The following ARHGAP28 variants were observed in gnomAD, a reference collection of about 807,000 sequenced individuals.
ARHGAP28 encodes rho GTPase-activating protein 28.
In ARHGAP28, 56 loss-of-function variants were observed where a neutral mutation model predicts 90.7. The ratio of observed to expected loss-of-function variants is 0.62; its 90% CI spans 0.50 to 0.77. ARHGAP28 has a LOEUF of 0.77. ARHGAP28 is among the 30% of genes least tolerant of loss of function. The probability of loss-of-function intolerance (pLI) is 0.00; values close to 1 mark genes in which losing one functional copy is unlikely to be tolerated. For missense variants in ARHGAP28, 869 were observed against 900.9 expected (o/e 0.96, Z 0.45); for synonymous variants, 308 against 323.3 (o/e 0.95, Z 0.51).
chr18:6,865,814 G>T (rs546808786), intron 5 of ARHGAP28, among the ~76,000 whole-genome samples: 3 of 152,104 alleles, frequency 2.0e-5, no homozygotes, highest in Non-Finnish European at 4.4e-5. Flanking sequence ...TGTAACTAGG[G>T]CAGCAGAGCA....
intron 1 of ARHGAP28, among the ~76,000 whole-genome samples, chr18:6,797,754 C>T (rs970218822): frequency 7.9e-5 from 12 of 152,168 alleles, no homozygotes; most frequent in Admixed American, 2.0e-4. Flanking sequence ...CTCCGCCTCC[C>T]GGGTTCAAGT....
At chr18:6,773,191 C>G (rs558715873) in intron 1 of ARHGAP28, among the ~76,000 whole-genome samples, 50 of 152,190 alleles carry the variant, frequency 3.3e-4, no homozygotes, top group African/African-American at 1.1e-3. Flanking sequence ...TAATGTATGC[C>G]AGGAACAGTT....
intron 7 of ARHGAP28, 114 bp downstream of exon 7, chr18:6,870,846 G>T: frequency 8.5e-7 from 1 of 1,179,722 alleles, no homozygotes; most frequent in African/African-American, 1.6e-5. Flanking sequence ...ATTGCCCCAG[G>T]CTGGAGTGCA....
chr18:6,846,074 C>T (rs532429350), intron 3 of ARHGAP28, among the ~76,000 whole-genome samples: 1 of 152,266 alleles, frequency 6.6e-6, no homozygotes, highest in Admixed American at 6.5e-5. Context: ...AATGGTGCAT[C>T]GTGAATAGGA....
chr18:6,735,155 T>C lies in ARHGAP28; in HGVS notation c.122+5212T>C, dbSNP rs958294535. On this transcript the variant is annotated intron_variant, in intron 1 of 17. Coordinates refer to ENST00000383472, the MANE Select transcript of ARHGAP28 (RefSeq NM_001366230.1). ...ACTAAAAAGTCATAACTTTTAACTT[T>C]CTATTTTGATGTAATTTTGGGCTTA... Among the ~76,000 whole-genome samples, 8 of 152,204 alleles carry C rather than the reference T, an allele frequency of 5.3e-5. No homozygotes were observed. In the South Asian group the frequency reaches 8.3e-4, roughly 16 times the overall value.
chr18:6,748,515 A>G (rs2056043248), intron 1 of ARHGAP28, among the ~76,000 whole-genome samples: 1 of 152,176 alleles, frequency 6.6e-6, no homozygotes. Flanking sequence ...CATTGCCATG[A>G]TGGGCAACTT....
Position 6,914,034 on chromosome 18 carries a change from A to G in ARHGAP28, c.*1880A>G, listed in dbSNP as rs1431388. The G allele has an allele frequency of 0.81, 123,104 of 152,084 alleles. 50,124 individuals are homozygous for G. The highest frequency in any genetic ancestry group is 0.86 in the Non-Finnish European group (58,404 of 67,990). 9.4% of individuals were successfully genotyped at this position (152,084 alleles called of 1,614,324 possible). A position where few individuals can be genotyped will look rare whatever the true frequency, so the allele number is the denominator to read the frequency against. On this transcript the variant is annotated 3_prime_UTR_variant, in exon 18 of 18. Coordinates refer to ENST00000383472, the MANE Select transcript of ARHGAP28 (RefSeq NM_001366230.1). ...ATTTCTGCGTATATATGAAAACTGA[A>G]TGATATTTCTCAGTGTATTTCCTTG...
chr18:6,831,267 A>C (rs951461364), intron 2 of ARHGAP28, among the ~76,000 whole-genome samples: 1 of 152,024 alleles, frequency 6.6e-6, no homozygotes, highest in Non-Finnish European at 1.5e-5. Context: ...AAAACTTTTT[A>C]TTACTGACTT....
intron 1 of ARHGAP28, among the ~76,000 whole-genome samples, chr18:6,794,866 A>G (rs574645673): frequency 9.2e-5 from 14 of 152,130 alleles, no homozygotes; most frequent in African/African-American, 3.1e-4. Context: ...AATTTTTTAT[A>G]GAGACAGGGT....
intron 1 of ARHGAP28, among the ~76,000 whole-genome samples, chr18:6,787,614 C>T (rs2056375979): frequency 6.6e-6 from 1 of 152,198 alleles, no homozygotes; most frequent in African/African-American, 2.4e-5. Flanking sequence ...CAGACATTAA[C>T]ACTTTACAAA....
intron 11 of ARHGAP28, among the ~76,000 whole-genome samples, chr18:6,885,888 CT>C (rs1445212085): frequency 1.3e-5 from 2 of 151,658 alleles, no homozygotes; most frequent in Non-Finnish European, 2.9e-5. Flanking sequence ...TTGTCTGCCC[CT>C]AAATGCTTTG....
At chr18:6,756,261 C>A (rs370285131) in intron 1 of ARHGAP28, among the ~76,000 whole-genome samples, 3 of 152,178 alleles carry the variant, frequency 2.0e-5, no homozygotes, top group African/African-American at 7.2e-5. Context: ...TTTTTTTGCA[C>A]AGTCCTTTGA....
rs35606759 is a variant in ARHGAP28 at position 6,903,826 on chromosome 18, C to CAAA, written c.2031-5117_2031-5115dup. Among the ~76,000 whole-genome samples the CAAA allele has an allele frequency of 6.7e-3, 559 of 83,912 alleles. 15 individuals carry two copies. The highest frequency in any genetic ancestry group is 0.024 in the African/African-American group (473 of 19,872). 55.0% of individuals were successfully genotyped at this position (83,912 alleles called of 152,430 possible). On this transcript the variant is annotated intron_variant, in intron 16 of 17. Coordinates refer to ENST00000383472, the MANE Select transcript of ARHGAP28 (RefSeq NM_001366230.1). ...TCTGGGTGACAGCAAGACTCCATCT[C>CAAA]AAAAAAAAAAAAAAAAAAAGAATCC...
intron 16 of ARHGAP28, among the ~76,000 whole-genome samples, chr18:6,900,009 A>G (rs1283530306): frequency 1.3e-5 from 2 of 152,138 alleles, no homozygotes; most frequent in East Asian, 1.9e-4. Context: ...GCCTGCAGCA[A>G]CAAGGAAGTG....
At chr18:6,756,677 A>G (rs1196438465) in intron 1 of ARHGAP28, among the ~76,000 whole-genome samples, 1 of 152,218 alleles carries the variant, frequency 6.6e-6, no homozygotes, top group Non-Finnish European at 1.5e-5. Flanking sequence ...ATGAGGAGCA[A>G]GGAAGGCAGT....
intron 15 of ARHGAP28, 61 bp downstream of exon 15, chr18:6,894,952 T>C: frequency 1.4e-6 from 2 of 1,443,700 alleles, no homozygotes; most frequent in Non-Finnish European, 1.9e-6. Flanking sequence ...TCTGGCGACA[T>C]CCACCACATT....
chr18:6,829,377 C>T (rs187292244), intron 2 of ARHGAP28, among the ~76,000 whole-genome samples: 1 of 152,312 alleles, frequency 6.6e-6, no homozygotes, highest in Admixed American at 6.5e-5. Context: ...TAGTGATAAA[C>T]CTGGCTCCCA....
chr18:6,784,192 T>G (rs1263862805), intron 1 of ARHGAP28, among the ~76,000 whole-genome samples: 1 of 152,164 alleles, frequency 6.6e-6, no homozygotes, highest in Non-Finnish European at 1.5e-5. Context: ...TGGGCTGGCT[T>G]GCTCCTGGAG....
chr18:6,798,849 A>G (rs996369180), intron 1 of ARHGAP28, among the ~76,000 whole-genome samples: 2 of 152,236 alleles, frequency 1.3e-5, no homozygotes, highest in Non-Finnish European at 2.9e-5. Flanking sequence ...AAGCATTTCC[A>G]TATATACTTA....
Sources: gnomAD v4.1 joint callset for allele counts (sites outside exome capture counted in the v4.1 genomes callset) on GRCh38, gnomAD v4.1.1 for gene constraint, MANE v1.5 for transcripts, NCBI Gene and HGNC (gene_info 2026-07-23, HGNC 2026-07-21) for gene names.